Variants in KIF15 observed in about 807,000 individuals in gnomAD.
KIF15 encodes the protein kinesin-like protein KIF15.
In KIF15, 140 loss-of-function variants were observed where a neutral mutation model predicts 190.6. That is an observed-to-expected ratio of 0.73 (90% CI 0.64 to 0.84). The LOEUF (loss-of-function observed/expected upper bound fraction) is 0.84. Among genes scored for constraint, KIF15 ranks in the 40% least tolerant of loss-of-function variants. The pLI is 0.00. For missense variants in KIF15, 1,372 were observed against 1,584.4 expected (o/e 0.87, Z 2.28); for synonymous variants, 528 against 551.3 (o/e 0.96, Z 0.59).
At position 44,802,984 on chromosome 3, in the gene KIF15, T is replaced by C; in HGVS notation, c.1680T>C (p.Ser560=). The C allele has an allele frequency of 6.3e-7, 1 of 1,592,474 alleles. No homozygotes were observed. Among genetic ancestry groups the C allele is most frequent in the South Asian group, 1.1e-5 (1 of 87,052 alleles). Residue 560 remains serine, a synonymous_variant, in exon 14 of 35, where the codon AGT becomes AGC. Transcript: ENST00000326047. ...AFSEISGMEK[S]DKNQQGFSPK... ...CTGAAATAAGTGGCATGGAGAAAAG[T>C]GACAAAAGTAAGAAATGATTGTTGT...
At chr3:44,784,524 T>G (rs1368647364) in intron 5 of KIF15, among the ~76,000 whole-genome samples, 1 of 152,214 alleles carries the variant, frequency 6.6e-6, no homozygotes, top group Admixed American at 6.5e-5. Flanking sequence ...ATCCCCATTT[T>G]ATAATTGAGA....
chr3:44,834,118 C>G (rs1698197695), intron 26 of KIF15, among the ~76,000 whole-genome samples: 1 of 152,146 alleles, frequency 6.6e-6, no homozygotes. Context: ...TAGATTCATA[C>G]ATTTTAGATT....
rs558769349 is a variant in KIF15 at position 44,829,361 on chromosome 3, AAT to A, written c.2944-597_2944-596del. On this transcript the variant is annotated intron_variant, in intron 24 of 34. Transcript: ENST00000326047. ...AACACAGCGAGACTCCATCTCAAAA[AAT>A]ATATATATATATGTGTGTGTGTGTG... is the stretch of plus-strand genomic sequence containing the variant. 1.3e-3 allele frequency among the ~76,000 whole-genome samples: 173 copies of A among 133,564 alleles called. No individual in the cohort carries two copies. In the East Asian group the frequency reaches 0.014, roughly 11 times the overall value. The allele number at this position is 133,564 out of a possible 152,430, so 87.6% of individuals were successfully genotyped here. A position where few individuals can be genotyped will look rare whatever the true frequency, so the allele number is the denominator to read the frequency against.
chr3:44,811,225 CTACTT>C, intron 17 of KIF15, among the ~76,000 whole-genome samples, 182 bp downstream of exon 17: 1 of 152,282 alleles, frequency 6.6e-6, no homozygotes, highest in South Asian at 2.1e-4. Context: ...CTTTTTGTCT[CTACTT>C]TACAATCTTT....
At chr3:44,826,484 C>A in intron 22 of KIF15, 24 bp downstream of exon 22, 1 of 1,428,798 alleles carries the variant, frequency 7.0e-7, no homozygotes, top group South Asian at 1.2e-5. Flanking sequence ...ATTTTTTCTA[C>A]TAGCATACTA....
chr3:44,807,941 G>A (rs1294507939), intron 16 of KIF15, among the ~76,000 whole-genome samples: 1 of 151,302 alleles, frequency 6.6e-6, no homozygotes, highest in Non-Finnish European at 1.5e-5. Context: ...TTTATTTTTG[G>A]TTTTGTTTTT....
At chr3:44,852,574 T>C (rs1008786712) in intron 34 of KIF15, 99 bp from the exon 35 acceptor site, 1 of 938,268 alleles carries the variant, frequency 1.1e-6, no homozygotes, top group Non-Finnish European at 1.6e-6. Flanking sequence ...AATTCCAGTC[T>C]TAATTTGAAA....
chr3:44,798,935 T>C (rs1707126190), intron 10 of KIF15, among the ~76,000 whole-genome samples: 3 of 152,202 alleles, frequency 2.0e-5, no homozygotes, highest in Non-Finnish European at 2.9e-5. Context: ...CTATCTGTGC[T>C]TTCAGACCAA....
intron 1 of KIF15, among the ~76,000 whole-genome samples, chr3:44,773,668 T>C (rs1705742069): frequency 6.6e-6 from 1 of 152,198 alleles, no homozygotes; most frequent in Non-Finnish European, 1.5e-5. Context: ...GTTTCCTCTA[T>C]TCTCAGAAGA....
intron 6 of KIF15, among the ~76,000 whole-genome samples, chr3:44,861,394 A>AT (rs1010161664): frequency 6.6e-6 from 1 of 152,142 alleles, no homozygotes; most frequent in Non-Finnish European, 1.5e-5. Context: ...GCAGATCCTC[A>AT]TTTTTTCGGT....
chr3:44,829,736 T>C (rs1215441834), intron 24 of KIF15, among the ~76,000 whole-genome samples: 1 of 138,192 alleles, frequency 7.2e-6, no homozygotes, highest in East Asian at 2.0e-4. Flanking sequence ...ATGTATATAT[T>C]ATATATGTAT....
At chr3:44,850,191 A>G (rs1248188491) in intron 32 of KIF15, among the ~76,000 whole-genome samples, 1 of 152,194 alleles carries the variant, frequency 6.6e-6, no homozygotes, top group Non-Finnish European at 1.5e-5. Context: ...GCTGACAAAG[A>G]CCACCCAATT....
At chr3:44,818,599 T>C (rs1267041126) in intron 20 of KIF15, among the ~76,000 whole-genome samples, 1 of 152,110 alleles carries the variant, frequency 6.6e-6, no homozygotes, top group Non-Finnish European at 1.5e-5. Context: ...CAGCCGACTT[T>C]ATTGTGGTGG....
At chr3:44,821,919 G>A (rs1697354471) in intron 20 of KIF15, among the ~76,000 whole-genome samples, 1 of 152,238 alleles carries the variant, frequency 6.6e-6, no homozygotes, top group Admixed American at 6.5e-5. Flanking sequence ...GTTAGGAGCT[G>A]GAGACCAGCC....
At chr3:44,854,130 A>G (rs140374700), downstream of KIF15, among the ~76,000 whole-genome samples, 251 of 152,338 alleles carry the variant, frequency 1.6e-3, 2 homozygotes, top group African/African-American at 5.6e-3. Flanking sequence ...CACACCTGTA[A>G]TCCCAGCACT....
In KIF15 at chr3:44,852,317, A is replaced by G; in HGVS notation, c.4082A>G (p.Lys1361Arg). 1 of 1,611,228 alleles carries G rather than the reference A, an allele frequency of 6.2e-7. No individual in the cohort carries two copies. The highest frequency in any genetic ancestry group is 8.5e-7 in the Non-Finnish European group (1 of 1,178,066). Residue 1361 changes from lysine to arginine, a missense_variant, in exon 34 of 35, where the codon AAG becomes AGG. Physicochemically the swap from Lys to Arg is conservative, Grantham distance 26. Coordinates refer to ENST00000326047, the MANE Select transcript of KIF15 (RefSeq NM_020242.3). ...QKIQYVVRLK[K>R]ENVRLAEETE... The stretch of plus-strand genomic sequence containing the variant: ...ATTCAGTACGTAGTGCGACTAAAGA[A>G]GGAAAATGTCAGGCTTGCTGAGGTA...
At chr3:44,836,317 C>G (rs1468100691) in intron 26 of KIF15, among the ~76,000 whole-genome samples, 1 of 151,958 alleles carries the variant, frequency 6.6e-6, no homozygotes, top group Admixed American at 6.6e-5. Context: ...GATCACGCCA[C>G]TGCACTCTAT....
At chr3:44,811,520 CTG>C (rs1036644508) in intron 17 of KIF15, among the ~76,000 whole-genome samples, 1 of 152,098 alleles carries the variant, frequency 6.6e-6, no homozygotes, top group Non-Finnish European at 1.5e-5. Flanking sequence ...TGGTACATGC[CTG>C]TAATCCCAGC....
intron 10 of KIF15, chr3:44,799,436 T>A (rs1707152306): frequency 2.3e-6 from 1 of 432,176 alleles, no homozygotes; most frequent in Non-Finnish European, 4.6e-6. Context: ...TGTTTTTTCC[T>A]TGCTGGAGTA....
Sources: allele counts gnomAD v4.1 joint callset (sites outside exome capture counted in the v4.1 genomes callset), GRCh38; gene constraint gnomAD v4.1.1; transcripts MANE v1.5; gene names NCBI Gene and HGNC (gene_info 2026-07-23, HGNC 2026-07-21).